LHFPL3: variants seen among roughly 807,000 people sequenced by gnomAD.
The protein encoded by LHFPL3 is LHFPL tetraspan subfamily member 3.
Under a neutral mutation model 19.3 loss-of-function variants are expected in LHFPL3, and 5 were observed. The ratio of observed to expected loss-of-function variants is 0.26; its 90% CI spans 0.14 to 0.54. LHFPL3 has a LOEUF of 0.54. Ranked by LOEUF, LHFPL3 falls within the 20% of genes least tolerant of loss-of-function variation. The pLI is 0.94. For synonymous variants in LHFPL3, 133 were observed against 126.2 expected, an observed-to-expected ratio of 1.05 and a Z score of -0.36; for missense variants, 249 against 307.4, an observed-to-expected ratio of 0.81 and a Z score of 1.42.
At chr7:104,374,595 G>A (rs544891400) in intron 1 of LHFPL3, among the ~76,000 whole-genome samples, 13 of 152,218 alleles carry the variant, frequency 8.5e-5, no homozygotes, top group African/African-American at 3.1e-4. Flanking sequence ...ACGGGTGGGA[G>A]ACACATGAAA....
intron 2 of LHFPL3, among the ~76,000 whole-genome samples, chr7:104,833,444 G>T: frequency 1.7e-5 from 1 of 57,364 alleles, no homozygotes; most frequent in Non-Finnish European, 3.1e-5. Context: ...TGCTCCTCAA[G>T]CTTGCAGACA....
intron 1 of LHFPL3, among the ~76,000 whole-genome samples, chr7:104,345,353 A>C (rs955493571): frequency 1.2e-4 from 18 of 152,034 alleles, no homozygotes; most frequent in African/African-American, 4.3e-4. Flanking sequence ...GTCCTATAGC[A>C]TTCATTTTTG....
At chr7:104,574,489 T>G (rs774844511) in intron 1 of LHFPL3, among the ~76,000 whole-genome samples, 5 of 152,242 alleles carry the variant, frequency 3.3e-5, no homozygotes, top group Non-Finnish European at 7.3e-5. Flanking sequence ...ATGCTAAATC[T>G]GTGAAAGACT....
chr7:104,586,354 C>T (rs1300705003), intron 1 of LHFPL3, among the ~76,000 whole-genome samples: 2 of 152,066 alleles, frequency 1.3e-5, no homozygotes, highest in African/African-American at 4.8e-5. Context: ...TTATAATTCA[C>T]CTATTCCTTC....
At chr7:104,386,417 A>G (rs988802703) in intron 1 of LHFPL3, among the ~76,000 whole-genome samples, 1 of 152,210 alleles carries the variant, frequency 6.6e-6, no homozygotes, top group African/African-American at 2.4e-5. Context: ...AACTGGGGCA[A>G]ACAAGAGCCT....
rs565816237 is a variant in LHFPL3, at chr7:104,607,046, G to A, written c.446-129629G>A. ...CTCAAACCTTATGACCACTGACCAC[G>A]TGACTCCTGAGCAGTAAGGGATAAT... On this transcript the variant is annotated intron_variant, in intron 1 of 2. Coordinates refer to ENST00000424859, the MANE Select transcript of LHFPL3 (RefSeq NM_199000.3). 6.6e-5 allele frequency among the ~76,000 whole-genome samples: 10 copies of A among 152,316 alleles called. No individual in the cohort carries two copies. The South Asian group carries it at 1.7e-3, about 25-fold the overall frequency.
In LHFPL3 at chr7:104,415,324, A is replaced by T. The variant is rs560846679; in HGVS notation, c.445+86100A>T. Among the ~76,000 whole-genome samples, 4 of 152,316 alleles carry T rather than the reference A, an allele frequency of 2.6e-5. No individual in the cohort carries two copies. The East Asian group carries it at 5.8e-4, about 22-fold the overall frequency. On this transcript the variant is annotated intron_variant, in intron 1 of 2. Coordinates refer to ENST00000424859, the MANE Select transcript of LHFPL3 (RefSeq NM_199000.3). ...GTCACTCTTAATTATACTGTGAATG[A>T]TGCCTACTGTTTTTGATACGTTTTC...
At chr7:104,466,056 G>A (rs188478695) in intron 1 of LHFPL3, among the ~76,000 whole-genome samples, 5 of 152,304 alleles carry the variant, frequency 3.3e-5, no homozygotes, top group Non-Finnish European at 7.4e-5. Context: ...TTTGGGTGGA[G>A]AGTTCTGTAG....
chr7:104,585,541 T>C (rs890588968), intron 1 of LHFPL3, among the ~76,000 whole-genome samples: 1 of 132,780 alleles, frequency 7.5e-6, no homozygotes, highest in African/African-American at 2.7e-5. Flanking sequence ...CCCTGATAAA[T>C]GTTTAAGAGA....
intron 1 of LHFPL3, among the ~76,000 whole-genome samples, chr7:104,568,527 C>G (rs950528672): frequency 6.6e-6 from 1 of 152,186 alleles, no homozygotes; most frequent in African/African-American, 2.4e-5. Flanking sequence ...ACAGTTAATA[C>G]TAGGTCTTGG....
At position 104,633,417 on chromosome 7, in the gene LHFPL3, A is replaced by G. The variant is rs144379704; in HGVS notation, c.446-103258A>G. Among the ~76,000 whole-genome samples, 899 of 152,370 alleles carry G rather than the reference A, an allele frequency of 5.9e-3. 7 individuals are homozygous for G. The highest frequency in any genetic ancestry group is 0.02 in the Middle Eastern group (6 of 294). On this transcript the variant is annotated intron_variant, in intron 1 of 2. Coordinates refer to ENST00000424859, the MANE Select transcript of LHFPL3 (RefSeq NM_199000.3). ...AAGTCACTGGAAACTGCACAAAACC[A>G]TAATTCAGGATTAAACAAGTCTACC...
chr7:104,849,795 G>A (rs1187160427), intron 2 of LHFPL3, among the ~76,000 whole-genome samples: 1 of 152,210 alleles, frequency 6.6e-6, no homozygotes, highest in Non-Finnish European at 1.5e-5. Flanking sequence ...CTGGATGTGG[G>A]GCAGGACTCT....
chr7:104,747,108 T>A (rs1562980740), intron 2 of LHFPL3, among the ~76,000 whole-genome samples: 1 of 152,248 alleles, frequency 6.6e-6, no homozygotes, highest in Non-Finnish European at 1.5e-5. Flanking sequence ...CCTGTATTTA[T>A]GAGGTAAGAG....
intron 1 of LHFPL3, chr7:104,667,721 T>C: frequency 1.3e-6 from 2 of 1,486,246 alleles, no homozygotes; most frequent in African/African-American, 2.8e-5. Flanking sequence ...CTTAAAGAAA[T>C]ACAAGGAAAA....
At chr7:104,505,851 T>C (rs1793687594) in intron 1 of LHFPL3, among the ~76,000 whole-genome samples, 1 of 152,204 alleles carries the variant, frequency 6.6e-6, no homozygotes, top group African/African-American at 2.4e-5. Context: ...CTCTTCTCCA[T>C]TTTCCAAGGT....
chr7:104,388,269 G>T (rs890695459), intron 1 of LHFPL3, among the ~76,000 whole-genome samples: 19 of 152,112 alleles, frequency 1.2e-4, no homozygotes, highest in African/African-American at 4.1e-4. Context: ...TGTCTTTATG[G>T]TATAATGATT....
intron 2 of LHFPL3, among the ~76,000 whole-genome samples, chr7:104,859,866 T>C (rs1325130103): frequency 6.6e-6 from 1 of 152,188 alleles, no homozygotes; most frequent in African/African-American, 2.4e-5. Context: ...TGTGTCAATG[T>C]AGGTTTATCA....
Position 104,469,246 on chromosome 7 carries a change from T to C in LHFPL3, c.445+140022T>C, listed in dbSNP as rs151103368. On this transcript the variant is annotated intron_variant, in intron 1 of 2. Transcript: ENST00000424859. ...CCTGATGAGGTCTAAAAGCTGACTTTTGTTCTATCCCCAGCTCATCAGCAG... is the reference window on the plus strand; with the variant it reads ...CCTGATGAGGTCTAAAAGCTGACTTCTGTTCTATCCCCAGCTCATCAGCAG... Among the ~76,000 whole-genome samples, 512 of 152,314 alleles carry C rather than the reference T, an allele frequency of 3.4e-3. 2 individuals are homozygous for C. The highest frequency in any genetic ancestry group is 0.012 in the African/African-American group (489 of 41,570).
chr7:104,713,161 A>G (rs1371390280), intron 1 of LHFPL3, among the ~76,000 whole-genome samples: 1 of 152,184 alleles, frequency 6.6e-6, no homozygotes, highest in Non-Finnish European at 1.5e-5. Flanking sequence ...ATGAATTAAT[A>G]TCCCCTACTC....
Sources: gnomAD v4.1 joint callset for allele counts (sites outside exome capture counted in the v4.1 genomes callset) on GRCh38, gnomAD v4.1.1 for gene constraint, MANE v1.5 for transcripts, NCBI Gene and HGNC (gene_info 2026-07-23, HGNC 2026-07-21) for gene names.